BAHCC1: variants seen among roughly 807,000 people sequenced by gnomAD.
The protein encoded by BAHCC1 is BAH and coiled-coil domain-containing protein 1.
BAHCC1 carries 43 observed loss-of-function variants against 88.2 expected under a neutral mutation model. The observed-to-expected ratio is 0.49, with a 90% confidence interval of 0.38 to 0.63. BAHCC1 has a LOEUF of 0.63. Ranked by LOEUF, BAHCC1 falls within the 20% of genes least tolerant of loss-of-function variation. The probability of loss-of-function intolerance (pLI) is 0.00; values close to 1 mark genes in which losing one functional copy is unlikely to be tolerated. For synonymous variants in BAHCC1, 1,510 were observed against 745.5 expected (o/e 2.03, Z -16.71); for missense variants, 3,023 against 1,654.8 (o/e 1.83, Z -14.34).
At chr17:81,422,546 C>G (rs1292851846) in intron 2 of BAHCC1, among the ~76,000 whole-genome samples, 1 of 152,330 alleles carries the variant, frequency 6.6e-6, no homozygotes, top group African/African-American at 2.4e-5. Context: ...CCCCCATCCC[C>G]TTCCCTCTCA....
In BAHCC1 at chr17:81,399,769, G is replaced by T. The variant is rs1257382164; in HGVS notation, c.30G>T (p.Pro10=). 8.2e-6 allele frequency: 10 copies of T among 1,213,424 alleles called. No homozygotes were observed. The East Asian group carries it at 2.9e-4, about 35-fold the overall frequency. 75.2% of individuals were successfully genotyped at this position (1,213,424 alleles called of 1,614,324 possible). The stretch of plus-strand genomic sequence containing the variant: ...ATGGCCGCGACTTTGCGCCGCCGCC[G>T]CATCTGCTGTCGGAGCGCGGGAGCC... MDGRDFAPP[P]HLLSERGSLG... Residue 10 remains proline (P), a synonymous_variant, in exon 2 of 28, where the codon CCG becomes CCT. Transcript: ENST00000675386. The surrounding 1 kb of genome is among the most constrained non-coding windows in gnomAD (Gnocchi z 4.5).
chr17:81,415,937 C>A (rs538053954), intron 2 of BAHCC1, among the ~76,000 whole-genome samples: 23 of 151,592 alleles, frequency 1.5e-4, no homozygotes, highest in Admixed American at 1.3e-3. Flanking sequence ...ATGGGCCTCA[C>A]ACCTCCAGGC....
At position 81,445,076 on chromosome 17, in the gene BAHCC1, T is replaced by G. The variant is rs782691380; in HGVS notation, c.2733T>G (p.Ser911=). 57 of 770,256 alleles carry G rather than the reference T, an allele frequency of 7.4e-5. No individual in the cohort carries two copies. The highest frequency in any genetic ancestry group is 3.5e-4 in the Admixed American group (20 of 57,970). The allele number at this position is 770,256 out of a possible 1,614,324, so 47.7% of individuals were successfully genotyped here. Residue 911 remains serine (S), a synonymous_variant, in exon 9 of 28, where the codon TCT becomes TCG. Transcript: ENST00000675386. ...PPMYGGRGPA[S]HMQHPGQLPV... is the part of the protein sequence containing the mutation. ...TGTACGGGGGCCGGGGCCCCGCCTC[T>G]CACATGCAGCACCCGGGCCAGCTCC...
Position 81,431,272 on chromosome 17 carries a change from G to A in BAHCC1, c.358+4293G>A, listed in dbSNP as rs949094301. Reference sequence around the variant, plus strand: ...TGCCCTGGCCGGCCACCCTGCCAGGGTCCCAGCCTCCTGTCCCCACTGGAG... The same window carrying A: ...TGCCCTGGCCGGCCACCCTGCCAGGATCCCAGCCTCCTGTCCCCACTGGAG... On this transcript the variant is annotated intron_variant, in intron 3 of 27. Coordinates refer to ENST00000675386, the MANE Select transcript of BAHCC1 (RefSeq NM_001377448.1). 6.6e-5 allele frequency among the ~76,000 whole-genome samples: 10 copies of A among 152,066 alleles called. No homozygotes were observed. In the South Asian group the frequency reaches 2.1e-3, roughly 32 times the overall value.
chr17:81,440,516 T>A (rs2064396440), intron 4 of BAHCC1, among the ~76,000 whole-genome samples: 1 of 152,178 alleles, frequency 6.6e-6, no homozygotes, highest in East Asian at 1.9e-4. Flanking sequence ...TTCTTTTGTT[T>A]CTCCCCTTGT....
chr17:81,398,599 T>C (rs1337833182), intron 1 of BAHCC1, among the ~76,000 whole-genome samples: 1 of 71,680 alleles, frequency 1.4e-5, no homozygotes, highest in Non-Finnish European at 3.1e-5. Context: ...ATTCTGACTC[T>C]GAAAGCACCC....
intron 2 of BAHCC1, chr17:81,407,336 G>A (rs782201030): frequency 1.9e-6 from 1 of 519,976 alleles, no homozygotes; most frequent in Non-Finnish European, 3.8e-6. Flanking sequence ...GCCATATTAA[G>A]TAAGAAAGAA....
At chr17:81,410,288 C>G (rs11656171) in intron 2 of BAHCC1, among the ~76,000 whole-genome samples, 20,186 of 152,222 alleles carry the variant, frequency 0.13, 1,542 homozygotes, top group Middle Eastern at 0.34. Flanking sequence ...GGGCCTCCCC[C>G]CTGGGCAGCA....
In BAHCC1 at chr17:81,458,616, C is replaced by T. The variant is rs377389215; in HGVS notation, c.5344-5C>T. On this transcript the variant is annotated splice_region_variant and splice_polypyrimidine_tract_variant and intron_variant, in intron 18 of 27. Coordinates refer to ENST00000675386, the MANE Select transcript of BAHCC1 (RefSeq NM_001377448.1). Reference sequence around the variant, plus strand: ...TCAGCCCCTTCTCTGCCTGCCCACGCGCAGCGGAAGAACGGGGCCCTGTCC... The same window carrying T: ...TCAGCCCCTTCTCTGCCTGCCCACGTGCAGCGGAAGAACGGGGCCCTGTCC... 3.6e-5 allele frequency: 26 copies of T among 715,640 alleles called. No individual in the cohort carries two copies. The highest frequency in any genetic ancestry group is 4.9e-5 in the Non-Finnish European group (19 of 384,560). 44.3% of individuals were successfully genotyped at this position (715,640 alleles called of 1,614,324 possible).
rs782513193 is a variant in BAHCC1 at position 81,463,598 on chromosome 17, G to A, written c.7621-13G>A. 16 of 779,136 alleles carry A rather than the reference G, an allele frequency of 2.1e-5. No individual in the cohort carries two copies. The highest frequency in any genetic ancestry group is 9.7e-5 in the East Asian group (4 of 41,246). 48.3% of individuals were successfully genotyped at this position (779,136 alleles called of 1,614,324 possible). Reference sequence around the variant, plus strand: ...AAGGCCGGCCACTGATGCCCCGCGCGCCTTGCCCCCAGAATGCGCTGTACC... The same window carrying A: ...AAGGCCGGCCACTGATGCCCCGCGCACCTTGCCCCCAGAATGCGCTGTACC... On this transcript the variant is annotated splice_polypyrimidine_tract_variant and intron_variant, in intron 27 of 27. Transcript: ENST00000675386.
Position 81,445,381 on chromosome 17 carries a change from C to T in BAHCC1, c.2863C>T (p.Leu955=), listed in dbSNP as rs1555654030. ...QRKPEDQHLD[L]EEPAQEKAPK... ...GAAGCCCGAAGACCAGCACCTGGAT[C>T]TGGAGGAGCCCGCCCAGGAGAAGGC... is the stretch of plus-strand genomic sequence containing the variant. Residue 955 remains leucine, a synonymous_variant, in exon 10 of 28, where the codon CTG becomes TTG. Transcript: ENST00000675386. The T allele has an allele frequency of 2.6e-6, 2 of 777,018 alleles. No individual in the cohort carries two copies. Among genetic ancestry groups the T allele is most frequent in the Non-Finnish European group, 4.8e-6 (2 of 417,206 alleles). The allele number at this position is 777,018 out of a possible 1,614,324, so 48.1% of individuals were successfully genotyped here.
intron 4 of BAHCC1, 47 bp from the exon 5 acceptor site, chr17:81,441,784 G>GCCTCAC (rs782554430): frequency 1.9e-6 from 1 of 518,418 alleles, no homozygotes. Flanking sequence ...TCTTTCTCCA[G>GCCTCAC]CCTCACCCCT....
rs149701271 is a variant in BAHCC1, at chr17:81,397,912, G to A, written c.-206-1622G>A. Reference sequence around the variant, plus strand: ...AATATTAAAAAAGCTTATCAGCTGAGCAAATATGTATTCACTTAATACATT... The same window carrying A: ...AATATTAAAAAAGCTTATCAGCTGAACAAATATGTATTCACTTAATACATT... On this transcript the variant is annotated intron_variant, in intron 1 of 27. Coordinates refer to ENST00000675386, the MANE Select transcript of BAHCC1 (RefSeq NM_001377448.1). 1.1e-4 allele frequency among the ~76,000 whole-genome samples: 16 copies of A among 152,356 alleles called. No individual in the cohort carries two copies. The East Asian group carries it at 1.9e-3, about 18-fold the overall frequency.
intron 2 of BAHCC1, among the ~76,000 whole-genome samples, chr17:81,416,324 G>A (rs1555648681): frequency 6.8e-6 from 1 of 147,744 alleles, no homozygotes; most frequent in African/African-American, 2.5e-5. Context: ...ATGCGTGTGT[G>A]TCCATGAGGA....
At chr17:81,415,624 G>A (rs782709955) in intron 2 of BAHCC1, 9 of 495,522 alleles carry the variant, frequency 1.8e-5, no homozygotes, top group East Asian at 1.2e-4. Context: ...TTTGGGAGTC[G>A]GGCTCTTGGC....
chr17:81,449,667 G>T (rs2064596898), intron 11 of BAHCC1, among the ~76,000 whole-genome samples: 1 of 151,926 alleles, frequency 6.6e-6, no homozygotes, highest in Non-Finnish European at 1.5e-5. Flanking sequence ...GGCAGCAGCT[G>T]CTCAGCCCAC....
At chr17:81,436,707 G>A (rs368475578) in intron 3 of BAHCC1, among the ~76,000 whole-genome samples, 3 of 152,146 alleles carry the variant, frequency 2.0e-5, no homozygotes, top group South Asian at 2.1e-4. Context: ...GACCAGGCCA[G>A]TCGGCCAGGC....
At chr17:81,437,603 C>T (rs955261246) in intron 3 of BAHCC1, among the ~76,000 whole-genome samples, 2 of 152,274 alleles carry the variant, frequency 1.3e-5, no homozygotes, top group African/African-American at 2.4e-5. Context: ...GGCCCAGGGC[C>T]AGCCGCGTGG....
chr17:81,443,239 C>T lies in BAHCC1; in HGVS notation c.1890C>T (p.Val630=), dbSNP rs782137269. 7.7e-6 allele frequency: 6 copies of T among 779,504 alleles called. No individual in the cohort carries two copies. Among genetic ancestry groups the T allele is most frequent in the South Asian group, 6.7e-5 (5 of 74,630 alleles). The allele number at this position is 779,504 out of a possible 1,614,324, so 48.3% of individuals were successfully genotyped here. Residue 630 remains valine (V), a synonymous_variant, in exon 5 of 28, where the codon GTC becomes GTT. Coordinates refer to ENST00000675386, the MANE Select transcript of BAHCC1 (RefSeq NM_001377448.1). ...AACTGCCTGCGCCGCCGGACGAGGT[C>T]TCAGCCATGAAGAACCTGCTCAAAT... ...PQELPAPPDE[V]SAMKNLLKYS...
Sources: gnomAD v4.1 joint callset for allele counts (sites outside exome capture counted in the v4.1 genomes callset) on GRCh38, gnomAD v4.1.1 for gene constraint, Gnocchi (gnomAD v3.1) non-coding constraint, MANE v1.5 for transcripts, NCBI Gene and HGNC (gene_info 2026-07-23, HGNC 2026-07-21) for gene names.